Variants in SLC13A3 observed in about 807,000 individuals in gnomAD.
The protein encoded by SLC13A3 is solute carrier family 13 member 3, also known as Na(+)/dicarboxylate cotransporter 3.
A neutral mutation model predicts 59.0 loss-of-function variants in SLC13A3; 40 were observed. The ratio of observed to expected loss-of-function variants is 0.68; its 90% CI spans 0.53 to 0.88. The LOEUF is 0.88. Among genes scored for constraint, SLC13A3 ranks in the 40% least tolerant of loss-of-function variants. SLC13A3 has a pLI of 0.00. For missense variants in SLC13A3, 699 were observed against 783.2 expected (o/e 0.89, Z 1.28); for synonymous variants, 317 against 330.3 (o/e 0.96, Z 0.44).
chr20:46,584,931 T>C (rs2062176389), intron 8 of SLC13A3, among the ~76,000 whole-genome samples: 1 of 152,168 alleles, frequency 6.6e-6, no homozygotes, highest in Non-Finnish European at 1.5e-5. Flanking sequence ...ACTGCATCTG[T>C]TTAAAAAAAG....
intron 10 of SLC13A3, among the ~76,000 whole-genome samples, chr20:46,567,185 C>T (rs1228821931): frequency 6.6e-6 from 1 of 152,046 alleles, no homozygotes; most frequent in Non-Finnish European, 1.5e-5. Context: ...GAAACTCTGT[C>T]TCAAAAGCTA....
At chr20:46,585,720 A>G in intron 8 of SLC13A3, 1 of 1,298,968 alleles carries the variant, frequency 7.7e-7, no homozygotes, top group Non-Finnish European at 1.0e-6. Flanking sequence ...TATTGTTGAA[A>G]TGCTTATAAT....
At chr20:46,617,610 G>GTA (rs1491450600) in intron 1 of SLC13A3, among the ~76,000 whole-genome samples, 1 of 40,280 alleles carries the variant, frequency 2.5e-5, no homozygotes, top group Admixed American at 2.6e-4. Context: ...GTGTGTGTGC[G>GTA]TGTGTGTGTG....
At chr20:46,634,224 C>T (rs1295788464) in intron 1 of SLC13A3, among the ~76,000 whole-genome samples, 1 of 152,212 alleles carries the variant, frequency 6.6e-6, no homozygotes, top group Admixed American at 6.5e-5. Flanking sequence ...TAGGCATTTT[C>T]ATATCCTCTC....
At chr20:46,614,492 G>T (rs940912114) in intron 1 of SLC13A3, among the ~76,000 whole-genome samples, 3 of 152,240 alleles carry the variant, frequency 2.0e-5, no homozygotes, top group African/African-American at 7.2e-5. Flanking sequence ...ACTAGTGTGT[G>T]CGGAAATGGT....
chr20:46,565,226 G>A (rs2061969318), intron 11 of SLC13A3, among the ~76,000 whole-genome samples: 2 of 152,118 alleles, frequency 1.3e-5, no homozygotes, highest in South Asian at 4.1e-4. Context: ...CTTTTTACAG[G>A]AGATTGAATT....
intron 1 of SLC13A3, among the ~76,000 whole-genome samples, chr20:46,643,067 C>T (rs2062859629): frequency 6.6e-6 from 1 of 152,048 alleles, no homozygotes; most frequent in African/African-American, 2.4e-5. Flanking sequence ...TTCTTTCTTT[C>T]ACTTATTCGA....
At chr20:46,677,193 C>A (rs754224211) in intron 1 of SLC13A3, among the ~76,000 whole-genome samples, 2 of 152,212 alleles carry the variant, frequency 1.3e-5, no homozygotes, top group Non-Finnish European at 2.9e-5. Context: ...GCATTACAAG[C>A]ACAAGCCACC....
upstream of SLC13A3, among the ~76,000 whole-genome samples, chr20:46,674,602 CGCGT>C (rs1221238654): frequency 0.011 from 1,264 of 114,426 alleles, 6 homozygotes; most frequent in African/African-American, 0.018. Context: ...CGCGCGCGCG[CGCGT>C]GTGTGTGTGT....
Position 46,592,594 on chromosome 20 carries a change from G to A in SLC13A3, c.795-65C>T, listed in dbSNP as rs1600529960. The stretch of plus-strand genomic sequence containing the variant: ...CATGCCCATTTTGGGAGTGGGAGAG[G>A]GGACCAGGCAGTACTAGTAGCAGCG... On this transcript the variant is annotated intron_variant, in intron 5 of 12. Coordinates refer to ENST00000279027, the MANE Select transcript of SLC13A3 (RefSeq NM_022829.6). 3.8e-6 allele frequency: 6 copies of A among 1,567,986 alleles called. No homozygotes were observed. The Admixed American group carries it at 6.8e-5, about 18-fold the overall frequency.
At chr20:46,651,613 AAGTT>A (rs759618104), upstream of SLC13A3, among the ~76,000 whole-genome samples, 1 of 152,338 alleles carries the variant, frequency 6.6e-6, no homozygotes, top group South Asian at 2.1e-4. Flanking sequence ...ACGTTGGAGA[AAGTT>A]AGGCACTAGA....
chr20:46,598,805 CG>C (rs1227285541), intron 4 of SLC13A3, among the ~76,000 whole-genome samples: 2 of 152,046 alleles, frequency 1.3e-5, no homozygotes, highest in Non-Finnish European at 2.9e-5. Flanking sequence ...CTCTCCCCCC[CG>C]AAGCCAACTC....
rs181603388 is a variant in SLC13A3, at chr20:46,578,901, C to T, written c.1220-3216G>A. 2.3e-3 allele frequency among the ~76,000 whole-genome samples: 350 copies of T among 149,090 alleles called. 1 individual carries two copies. The highest frequency in any genetic ancestry group is 0.015 in the South Asian group (70 of 4,662). The stretch of plus-strand genomic sequence containing the variant: ...GCAAAGAGGAAAGAGAAGTCGTCGT[C>T]GTCGTCATCATCATCATCATCATCA... On this transcript the variant is annotated intron_variant, in intron 9 of 12. Coordinates refer to ENST00000279027, the MANE Select transcript of SLC13A3 (RefSeq NM_022829.6).
At chr20:46,588,835 G>A (rs944099660) in intron 7 of SLC13A3, among the ~76,000 whole-genome samples, 1 of 152,180 alleles carries the variant, frequency 6.6e-6, no homozygotes, top group Non-Finnish European at 1.5e-5. Flanking sequence ...ATGGAAATGT[G>A]CATTAAACAA....
intron 1 of SLC13A3, chr20:46,681,908 T>C (rs1435629647): frequency 6.6e-6 from 1 of 152,200 alleles, no homozygotes; most frequent in Non-Finnish European, 1.5e-5. Flanking sequence ...AGTCCACACG[T>C]GGATTAATCA....
intron 1 of SLC13A3, among the ~76,000 whole-genome samples, chr20:46,617,548 G>A (rs192736620): frequency 3.5e-4 from 54 of 152,276 alleles, no homozygotes; most frequent in Middle Eastern, 6.8e-3. Context: ...AACAACAGAT[G>A]TGTGTTGGTA....
intron 11 of SLC13A3, among the ~76,000 whole-genome samples, chr20:46,565,711 A>G (rs2061974679): frequency 6.6e-6 from 1 of 152,180 alleles, no homozygotes; most frequent in African/African-American, 2.4e-5. Context: ...GAATGCTAGG[A>G]GACATTTGGA....
intron 1 of SLC13A3, among the ~76,000 whole-genome samples, chr20:46,628,923 A>G (rs923881770): frequency 6.6e-6 from 1 of 152,192 alleles, no homozygotes; most frequent in African/African-American, 2.4e-5. Context: ...TTTGCTGCTG[A>G]ATTTTTGCAG....
intron 1 of SLC13A3, among the ~76,000 whole-genome samples, chr20:46,647,663 G>A (rs2122875319): frequency 6.6e-6 from 1 of 152,258 alleles, no homozygotes; most frequent in East Asian, 1.9e-4. Flanking sequence ...AGGACATAAT[G>A]TAAGAATTGT....
Sources: allele counts gnomAD v4.1 joint callset (sites outside exome capture counted in the v4.1 genomes callset), GRCh38; gene constraint gnomAD v4.1.1; transcripts MANE v1.5; gene names NCBI Gene and HGNC (gene_info 2026-07-23, HGNC 2026-07-21).